The following SPATA17 variants were observed in gnomAD, a reference collection of about 807,000 sequenced individuals.
SPATA17 encodes the protein spermatogenesis-associated protein 17.
SPATA17 carries 53 observed loss-of-function variants against 62.2 expected under a neutral mutation model. The ratio of observed to expected loss-of-function variants is 0.85; its 90% CI spans 0.68 to 1.07. SPATA17 has a LOEUF of 1.07. SPATA17 is among the 50% of genes least tolerant of loss of function. The pLI, the probability that SPATA17 is intolerant of heterozygous loss-of-function variation, is 0.00. For missense variants in SPATA17, 466 were observed against 425.5 expected, an observed-to-expected ratio of 1.10 and a Z score of -0.84; for synonymous variants, 146 against 146.8, an observed-to-expected ratio of 0.99 and a Z score of 0.04.
rs942325249 is a variant in SPATA17 at position 217,868,615 on chromosome 1, G to A, written c.*1596G>A. ...CTGAATAGTTGTATGCATACTCAAA[G>A]TATGGTTTCTACTGAATGCATTGTA... is the stretch of plus-strand genomic sequence containing the variant. On this transcript the variant is annotated 3_prime_UTR_variant, in exon 11 of 11. Coordinates refer to ENST00000366933, the MANE Select transcript of SPATA17 (RefSeq NM_138796.4). 1.4e-5 allele frequency: 2 copies of A among 147,550 alleles called. No individual in the cohort carries two copies. Among genetic ancestry groups the A allele is most frequent in the African/African-American group, 5.0e-5 (2 of 40,106 alleles). The allele number at this position is 147,550 out of a possible 1,614,324, so 9.1% of individuals were successfully genotyped here.
intron 1 of SPATA17, among the ~76,000 whole-genome samples, chr1:217,634,241 T>G (rs182373794): frequency 6.6e-6 from 1 of 152,204 alleles, no homozygotes; most frequent in African/African-American, 2.4e-5. Context: ...GAAAGAATAA[T>G]TCACACAGAC....
chr1:217,765,924 T>C (rs962334602), intron 6 of SPATA17, among the ~76,000 whole-genome samples: 3 of 152,024 alleles, frequency 2.0e-5, no homozygotes, highest in Admixed American at 2.0e-4. Flanking sequence ...TCTTTATCCC[T>C]GATAATTTTC....
At chr1:217,661,931 A>G (rs532090875) in intron 3 of SPATA17, among the ~76,000 whole-genome samples, 16 of 152,298 alleles carry the variant, frequency 1.1e-4, no homozygotes, top group Admixed American at 3.3e-4. Flanking sequence ...TGTTCTAGTT[A>G]GCTTTTCCTT....
chr1:217,717,179 T>A (rs1193542281), intron 5 of SPATA17, among the ~76,000 whole-genome samples: 1 of 151,048 alleles, frequency 6.6e-6, no homozygotes, highest in Non-Finnish European at 1.5e-5. Context: ...AACTAAAAAC[T>A]CACTTTCATA....
chr1:217,855,254 TATAG>T (rs2103013842), intron 9 of SPATA17, among the ~76,000 whole-genome samples: 1 of 152,334 alleles, frequency 6.6e-6, no homozygotes, highest in East Asian at 1.9e-4. Context: ...GCCAGTTTCA[TATAG>T]CCTTTCTCCT....
chr1:217,827,725 C>A (rs942051539), intron 9 of SPATA17, among the ~76,000 whole-genome samples: 1 of 152,046 alleles, frequency 6.6e-6, no homozygotes, highest in Non-Finnish European at 1.5e-5. Flanking sequence ...AGATCATGTC[C>A]TTTGCAGGGA....
intron 5 of SPATA17, among the ~76,000 whole-genome samples, chr1:217,726,481 C>T (rs774295476): frequency 6.6e-6 from 1 of 152,184 alleles, no homozygotes; most frequent in Non-Finnish European, 1.5e-5. Context: ...TTTATAAACC[C>T]TCTTGGCTGG....
At chr1:217,665,757 A>G (rs1477674803) in intron 3 of SPATA17, among the ~76,000 whole-genome samples, 1 of 152,210 alleles carries the variant, frequency 6.6e-6, no homozygotes, top group Non-Finnish European at 1.5e-5. Context: ...ATTCCATTGA[A>G]TAAGAGCCCT....
chr1:217,772,680 T>C (rs1460979084), intron 6 of SPATA17, among the ~76,000 whole-genome samples: 1 of 152,220 alleles, frequency 6.6e-6, no homozygotes, highest in Non-Finnish European at 1.5e-5. Flanking sequence ...TTCTGAACTG[T>C]GCGTTGTTAT....
intron 8 of SPATA17, among the ~76,000 whole-genome samples, chr1:217,795,358 G>GTC: frequency 7.7e-6 from 1 of 129,194 alleles, no homozygotes; most frequent in Middle Eastern, 4.3e-3. Context: ...ACAGACAAAA[G>GTC]TCTCTTTTTT....
At chr1:217,687,038 T>C (rs998733073) in intron 5 of SPATA17, among the ~76,000 whole-genome samples, 3 of 152,206 alleles carry the variant, frequency 2.0e-5, no homozygotes, top group Admixed American at 2.0e-4. Flanking sequence ...CTTTTAAATA[T>C]TTTTTATTGT....
intron 5 of SPATA17, among the ~76,000 whole-genome samples, chr1:217,726,715 G>GTT (rs1294123518): frequency 7.3e-6 from 1 of 137,592 alleles, no homozygotes; most frequent in African/African-American, 2.9e-5. Flanking sequence ...ATATTTTTGT[G>GTT]TGTTTTTTTT....
chr1:217,646,758 G>C (rs1670192218), intron 1 of SPATA17, among the ~76,000 whole-genome samples: 1 of 152,102 alleles, frequency 6.6e-6, no homozygotes, highest in South Asian at 2.1e-4. Flanking sequence ...AACCAGGCAT[G>C]GTGGCGTGCA....
chr1:217,769,638 A>G (rs1203929987), intron 6 of SPATA17, among the ~76,000 whole-genome samples: 2 of 152,210 alleles, frequency 1.3e-5, no homozygotes, highest in African/African-American at 4.8e-5. Context: ...AACATTTAAA[A>G]ATTCCTTCTT....
intron 9 of SPATA17, among the ~76,000 whole-genome samples, chr1:217,834,803 C>T (rs1214805323): frequency 3.3e-5 from 5 of 152,066 alleles, no homozygotes; most frequent in Non-Finnish European, 5.9e-5. Flanking sequence ...ATGAAGTCTA[C>T]GTTAACGTCC....
At chr1:217,719,251 A>C (rs1486609686) in intron 5 of SPATA17, among the ~76,000 whole-genome samples, 1 of 152,208 alleles carries the variant, frequency 6.6e-6, no homozygotes, top group African/African-American at 2.4e-5. Context: ...ACTTTTCACT[A>C]TACCCGTGTA....
chr1:217,707,477 T>A (rs1671762858), intron 5 of SPATA17, among the ~76,000 whole-genome samples: 1 of 152,178 alleles, frequency 6.6e-6, no homozygotes, highest in Non-Finnish European at 1.5e-5. Flanking sequence ...GTAGGAGTGG[T>A]GAGAGAGGGC....
chr1:217,699,634 A>T (rs930447470), intron 5 of SPATA17, among the ~76,000 whole-genome samples: 12 of 152,154 alleles, frequency 7.9e-5, no homozygotes, highest in African/African-American at 2.9e-4. Flanking sequence ...GTTTGAAAAT[A>T]TTTTCTTTCA....
At chr1:217,760,688 A>G (rs1673151835) in intron 6 of SPATA17, among the ~76,000 whole-genome samples, 1 of 152,208 alleles carries the variant, frequency 6.6e-6, no homozygotes, top group African/African-American at 2.4e-5. Context: ...CAAATGCCCA[A>G]TTATATTATT....
Sources: gnomAD v4.1 joint callset for allele counts (sites outside exome capture counted in the v4.1 genomes callset) on GRCh38, gnomAD v4.1.1 for gene constraint, MANE v1.5 for transcripts, NCBI Gene and HGNC (gene_info 2026-07-23, HGNC 2026-07-21) for gene names.